Variants in CAST observed in about 807,000 individuals in gnomAD.
CAST encodes the protein MIR583 host.
CAST carries 76 observed loss-of-function variants against 119.6 expected under a neutral mutation model. The observed-to-expected ratio is 0.64, with a 90% confidence interval of 0.53 to 0.77. The LOEUF (loss-of-function observed/expected upper bound fraction) is 0.77, where lower values mean the gene tolerates loss of function less well. Among genes scored for constraint, CAST ranks in the 30% least tolerant of loss-of-function variants. The probability of loss-of-function intolerance (pLI) is 0.00; values close to 1 mark genes in which losing one functional copy is unlikely to be tolerated. For missense variants in CAST, 953 were observed against 946.5 expected (o/e 1.01, Z -0.09); for synonymous variants, 319 against 331.6 (o/e 0.96, Z 0.41).
chr5:96,010,550 G>A, the CAST span, among the ~76,000 whole-genome samples: 1 of 152,150 alleles, frequency 6.6e-6, no homozygotes, highest in Admixed American at 6.5e-5. Context: ...GACCTGAAGT[G>A]ATCTGCCTGC....
At chr5:96,279,855 T>A in the CAST span, among the ~76,000 whole-genome samples, 2 of 152,230 alleles carry the variant, frequency 1.3e-5, no homozygotes, top group Non-Finnish European at 2.9e-5. Flanking sequence ...TCATCCAAGT[T>A]CAGTGGTCCT....
chr5:96,062,779 C>T, the CAST span, among the ~76,000 whole-genome samples: 9 of 152,204 alleles, frequency 5.9e-5, no homozygotes, highest in African/African-American at 2.2e-4. Context: ...TACTCCTTTG[C>T]TCAATTTTGA....
the CAST span, among the ~76,000 whole-genome samples, chr5:96,217,127 C>A: frequency 6.6e-6 from 1 of 151,552 alleles, no homozygotes; most frequent in Non-Finnish European, 1.5e-5. Flanking sequence ...TAGTCTCGAA[C>A]TCCTGGACTC....
At chr5:96,289,808 G>T in the CAST span, among the ~76,000 whole-genome samples, 1 of 152,134 alleles carries the variant, frequency 6.6e-6, no homozygotes. Context: ...TTTGTTGAGA[G>T]ACAAATAAAT....
chr5:96,684,565 C>CT (rs553311999), intron 2 of CAST, among the ~76,000 whole-genome samples: 10,413 of 142,530 alleles, frequency 0.073, 538 homozygotes, highest in African/African-American at 0.14. Context: ...GCATCACTAT[C>CT]TTTTTTTTTT....
At chr5:96,346,017 C>A in the CAST span, among the ~76,000 whole-genome samples, 6 of 152,114 alleles carry the variant, frequency 3.9e-5, no homozygotes, top group Non-Finnish European at 7.4e-5. Context: ...CACTGGGGAC[C>A]ATTTTAGAGG....
At chr5:95,993,021 G>A in the CAST span, among the ~76,000 whole-genome samples, 1 of 152,114 alleles carries the variant, frequency 6.6e-6, no homozygotes, top group East Asian at 1.9e-4. Context: ...CTGATTTCAT[G>A]ACTTATTATA....
At chr5:96,229,458 C>T in the CAST span, among the ~76,000 whole-genome samples, 10 of 152,002 alleles carry the variant, frequency 6.6e-5, no homozygotes, top group African/African-American at 2.4e-4. Flanking sequence ...ATTTCCATGG[C>T]AGTGGCAGCA....
At chr5:96,061,306 G>A in the CAST span, among the ~76,000 whole-genome samples, 5 of 152,058 alleles carry the variant, frequency 3.3e-5, no homozygotes, top group Admixed American at 6.6e-5. Context: ...CCTGCAGCCC[G>A]AATGGCCTAT....
chr5:96,517,848 T>G, the CAST span, among the ~76,000 whole-genome samples: 2 of 152,264 alleles, frequency 1.3e-5, no homozygotes, highest in African/African-American at 2.4e-5. Context: ...GATACAATAA[T>G]AATGACAGCA....
the CAST span, among the ~76,000 whole-genome samples, chr5:96,369,089 T>C: frequency 3.3e-5 from 5 of 152,026 alleles, no homozygotes; most frequent in East Asian, 7.7e-4. Flanking sequence ...TATCTCTTTT[T>C]TGGACTTTTA....
the CAST span, among the ~76,000 whole-genome samples, chr5:96,348,465 T>C: frequency 6.6e-6 from 1 of 151,844 alleles, no homozygotes; most frequent in East Asian, 1.9e-4. Context: ...GGGAAAAAGA[T>C]TCTAAGTCCA....
At chr5:96,355,598 C>T in the CAST span, among the ~76,000 whole-genome samples, 1 of 152,110 alleles carries the variant, frequency 6.6e-6, no homozygotes, top group African/African-American at 2.4e-5. Context: ...CTTAAGGAAT[C>T]GCCACCCTGT....
chr5:96,176,788 A>T, the CAST span, among the ~76,000 whole-genome samples: 2 of 152,144 alleles, frequency 1.3e-5, no homozygotes, highest in Admixed American at 1.3e-4. Context: ...TGTTAATTAA[A>T]TTAGTAGAGC....
At chr5:96,286,866 AC>A in the CAST span, among the ~76,000 whole-genome samples, 1 of 152,170 alleles carries the variant, frequency 6.6e-6, no homozygotes, top group Non-Finnish European at 1.5e-5. Context: ...TTAGAAGAAA[AC>A]AAAGTTGTAC....
At chr5:96,445,932 C>T in the CAST span, among the ~76,000 whole-genome samples, 9,824 of 152,196 alleles carry the variant, frequency 0.065, 376 homozygotes, top group South Asian at 0.13. Context: ...ACTGCAGCCT[C>T]GACCTCCAGG....
At chr5:96,670,109 G>A (rs1163214053) in intron 1 of CAST, among the ~76,000 whole-genome samples, 1 of 152,044 alleles carries the variant, frequency 6.6e-6, no homozygotes. Context: ...CCATGAGCTC[G>A]GAGAGTCCAG....
chr5:96,439,309 G>A, the CAST span, among the ~76,000 whole-genome samples: 1,037 of 150,310 alleles, frequency 6.9e-3, 13 homozygotes, highest in Admixed American at 0.011. Context: ...TTATGAAATG[G>A]GGAGAACAGG....
chr5:96,506,020 A>G, the CAST span, among the ~76,000 whole-genome samples: 1,750 of 152,296 alleles, frequency 0.011, 27 homozygotes, highest in African/African-American at 0.04. Flanking sequence ...TTCCAATTTT[A>G]TTTCTGCTAC....
Sources: allele counts gnomAD v4.1 joint callset (sites outside exome capture counted in the v4.1 genomes callset), GRCh38; gene constraint gnomAD v4.1.1; transcripts MANE v1.5; gene names NCBI Gene and HGNC (gene_info 2026-07-23, HGNC 2026-07-21).